The following MARCHF3 variants were observed in gnomAD, a reference collection of about 807,000 sequenced individuals.
MARCHF3 encodes the protein E3 ubiquitin-protein ligase MARCHF3.
In MARCHF3, 13 loss-of-function variants were observed where a neutral mutation model predicts 24.2. The observed-to-expected ratio is 0.54, with a 90% confidence interval of 0.35 to 0.85. The LOEUF is 0.85. Among genes scored for constraint, MARCHF3 ranks in the 40% least tolerant of loss-of-function variants. The pLI is 0.01. For missense variants in MARCHF3, 276 were observed against 325.0 expected, an observed-to-expected ratio of 0.85 and a Z score of 1.16; for synonymous variants, 144 against 137.3, an observed-to-expected ratio of 1.05 and a Z score of -0.34.
chr5:126,894,363 T>G (rs1032881269), intron 3 of MARCHF3, among the ~76,000 whole-genome samples: 1 of 151,466 alleles, frequency 6.6e-6, no homozygotes, highest in Non-Finnish European at 1.5e-5. Flanking sequence ...TGCTCGTTAG[T>G]TGCAGTTTCT....
At chr5:127,017,521 G>A (rs1434340373) in intron 1 of MARCHF3, among the ~76,000 whole-genome samples, 1 of 152,126 alleles carries the variant, frequency 6.6e-6, no homozygotes, top group African/African-American at 2.4e-5. Flanking sequence ...GTTTAGCTTA[G>A]CCTATCTCAA....
intron 3 of MARCHF3, among the ~76,000 whole-genome samples, chr5:126,909,555 A>C (rs960150341): frequency 2.6e-5 from 4 of 152,228 alleles, no homozygotes; most frequent in African/African-American, 9.6e-5. Context: ...GGAAAATCGC[A>C]GTATTCGGGT....
chr5:127,026,631 A>G (rs11241913), intron 1 of MARCHF3, among the ~76,000 whole-genome samples: 91,500 of 152,136 alleles, frequency 0.6, 28,614 homozygotes, highest in East Asian at 0.79. Context: ...ATATCACCAC[A>G]ATCCTAAATC....
At chr5:126,914,659 C>T in intron 3 of MARCHF3, 1 of 530,508 alleles carries the variant, frequency 1.9e-6, no homozygotes, top group South Asian at 2.9e-5. Context: ...CTAAACTGGC[C>T]CTTTCTCCTT....
chr5:126,967,468 G>A (rs552523140), intron 1 of MARCHF3, among the ~76,000 whole-genome samples: 2 of 152,184 alleles, frequency 1.3e-5, no homozygotes, highest in African/African-American at 2.4e-5. Flanking sequence ...CGAGGCAGGC[G>A]GATCACCTGA....
chr5:126,899,358 GT>G, intron 3 of MARCHF3: 1 of 956,654 alleles, frequency 1.0e-6, no homozygotes, highest in Non-Finnish European at 1.2e-6. Context: ...GCAAAATAAG[GT>G]TTACCAATCT....
chr5:126,943,372 G>A lies in MARCHF3; in HGVS notation c.-56-25145C>T, dbSNP rs373256522. Among the ~76,000 whole-genome samples, 4 of 152,190 alleles carry A rather than the reference G, an allele frequency of 2.6e-5. No individual in the cohort carries two copies. In the East Asian group the frequency reaches 7.7e-4, roughly 29 times the overall value. On this transcript the variant is annotated intron_variant, in intron 1 of 4. Transcript: ENST00000308660. ...GTGGGAGGATTGTTTGAGCCCAGGA[G>A]ATTGAGACCAGCTTGGGAAACATAC...
intron 1 of MARCHF3, among the ~76,000 whole-genome samples, chr5:126,988,797 A>G (rs1751649678): frequency 6.6e-6 from 1 of 152,176 alleles, no homozygotes; most frequent in African/African-American, 2.4e-5. Context: ...GTGAGCATCT[A>G]TTACCACAGA....
chr5:127,006,885 A>G (rs1483403298), intron 1 of MARCHF3, among the ~76,000 whole-genome samples: 1 of 152,192 alleles, frequency 6.6e-6, no homozygotes, highest in African/African-American at 2.4e-5. Context: ...TCCGGGTTGC[A>G]CTAGCTTGCT....
chr5:126,891,600 G>C (rs1313521727), intron 3 of MARCHF3, among the ~76,000 whole-genome samples: 4 of 128,110 alleles, frequency 3.1e-5, no homozygotes, highest in African/African-American at 1.3e-4. Flanking sequence ...GATAGTTGTA[G>C]ATATGCGGCG....
At chr5:126,969,108 G>A (rs1234984611) in intron 1 of MARCHF3, among the ~76,000 whole-genome samples, 2 of 152,130 alleles carry the variant, frequency 1.3e-5, no homozygotes, top group African/African-American at 4.8e-5. Flanking sequence ...GTTTTCTTAT[G>A]AGTTTTATAT....
At chr5:126,984,044 G>C (rs1045831466) in intron 1 of MARCHF3, among the ~76,000 whole-genome samples, 1 of 152,066 alleles carries the variant, frequency 6.6e-6, no homozygotes, top group Non-Finnish European at 1.5e-5. Context: ...GGACTGGGGT[G>C]GGGGGATATT....
intron 1 of MARCHF3, among the ~76,000 whole-genome samples, chr5:127,000,159 A>C (rs201721153): frequency 6.6e-6 from 1 of 151,954 alleles, no homozygotes; most frequent in South Asian, 2.1e-4. Flanking sequence ...TTCGTTTGCT[A>C]TCTCTAGCCC....
chr5:126,935,466 T>C (rs911961210), intron 1 of MARCHF3, among the ~76,000 whole-genome samples: 1 of 152,070 alleles, frequency 6.6e-6, no homozygotes, highest in Non-Finnish European at 1.5e-5. Flanking sequence ...TAGAACCACA[T>C]CAGTGGCTCT....
chr5:126,925,231 GA>G (rs566579401), intron 1 of MARCHF3, among the ~76,000 whole-genome samples: 53 of 151,802 alleles, frequency 3.5e-4, no homozygotes, highest in African/African-American at 1.2e-3. Flanking sequence ...GTTAGAGGGA[GA>G]AAAAAAACCT....
intron 1 of MARCHF3, among the ~76,000 whole-genome samples, chr5:126,977,441 G>A (rs1751241594): frequency 6.6e-6 from 1 of 152,078 alleles, no homozygotes. Context: ...TACCTCTAAT[G>A]TATATTTCCT....
chr5:126,930,059 T>TA (rs1398302505), intron 1 of MARCHF3, among the ~76,000 whole-genome samples: 1 of 152,058 alleles, frequency 6.6e-6, no homozygotes, highest in Non-Finnish European at 1.5e-5. Flanking sequence ...AATAGACTAA[T>TA]ACACTATTCT....
intron 1 of MARCHF3, among the ~76,000 whole-genome samples, chr5:126,918,983 C>G (rs568182661): frequency 5.9e-5 from 9 of 152,092 alleles, no homozygotes. Flanking sequence ...TGTGTACTAC[C>G]TAAAATGCAG....
chr5:126,914,767 AACACACACACACACAC>A (rs58386463), intron 3 of MARCHF3, 147 bp downstream of exon 3: 42 of 484,316 alleles, frequency 8.7e-5, no homozygotes, highest in Middle Eastern at 9.6e-4. Flanking sequence ...CTCTTTCTCA[AACACACACACACACAC>A]ACACACACAC....
Sources: allele counts gnomAD v4.1 joint callset (sites outside exome capture counted in the v4.1 genomes callset), GRCh38; gene constraint gnomAD v4.1.1; transcripts MANE v1.5; gene names NCBI Gene and HGNC (gene_info 2026-07-23, HGNC 2026-07-21).